Variants in LRMDA observed in about 807,000 individuals in gnomAD.
LRMDA encodes leucine-rich melanocyte differentiation-associated protein.
A neutral mutation model predicts 29.8 loss-of-function variants in LRMDA; 18 were observed. That is an observed-to-expected ratio of 0.60 (90% confidence interval 0.42 to 0.90). The LOEUF is 0.90. LRMDA is among the 40% of genes least tolerant of loss of function. LRMDA has a pLI of 0.00. For missense variants in LRMDA, 273 were observed against 273.9 expected, an observed-to-expected ratio of 1.00 and a Z score of 0.02; for synonymous variants, 125 against 109.4, an observed-to-expected ratio of 1.14 and a Z score of -0.89.
At chr10:76,081,888 T>G (rs1480263165) in intron 5 of LRMDA, among the ~76,000 whole-genome samples, 1 of 152,236 alleles carries the variant, frequency 6.6e-6, no homozygotes, top group Admixed American at 6.5e-5. Flanking sequence ...TACTTTGTTG[T>G]ATAGATTTCT....
At chr10:75,784,320 G>A (rs1453968149) in intron 2 of LRMDA, among the ~76,000 whole-genome samples, 6 of 152,288 alleles carry the variant, frequency 3.9e-5, no homozygotes, top group South Asian at 2.1e-4. Context: ...GATTGAATTA[G>A]TATATACAAA....
At chr10:76,230,554 CA>C (rs36026287) in intron 5 of LRMDA, among the ~76,000 whole-genome samples, 1,849 of 114,958 alleles carry the variant, frequency 0.016, 21 homozygotes, top group African/African-American at 0.043. Flanking sequence ...GTTAAGAGGG[CA>C]AAAAAAAAAA....
chr10:76,196,012 G>C lies in LRMDA; in HGVS notation c.517-128389G>C, dbSNP rs866601883. 9.2e-5 allele frequency among the ~76,000 whole-genome samples: 14 copies of C among 152,318 alleles called. No individual in the cohort carries two copies. The Middle Eastern group carries it at 0.014, about 148-fold the overall frequency. ...TTGGGTTTAGATCCTTCATTTGCAT[G>C]AAAACGATAGTTAATTGTGTCCCTG... On this transcript the variant is annotated intron_variant, in intron 5 of 6. Coordinates refer to ENST00000611255, the MANE Select transcript of LRMDA (RefSeq NM_001305581.2).
At chr10:76,017,253 G>A (rs1847894132) in intron 2 of LRMDA, among the ~76,000 whole-genome samples, 1 of 152,198 alleles carries the variant, frequency 6.6e-6, no homozygotes, top group Non-Finnish European at 1.5e-5. Context: ...GAAGCCACAC[G>A]AAGGCTGGAG....
intron 5 of LRMDA, among the ~76,000 whole-genome samples, chr10:76,062,702 A>G (rs1439526720): frequency 8.8e-6 from 1 of 113,700 alleles, no homozygotes; most frequent in East Asian, 2.0e-4. Flanking sequence ...GTGTGTTATT[A>G]GTTGATGGAC....
In LRMDA at chr10:75,508,316, G is replaced by A. The variant is rs1431179057; in HGVS notation, c.131+69822G>A. On this transcript the variant is annotated intron_variant, in intron 2 of 6. Coordinates refer to ENST00000611255, the MANE Select transcript of LRMDA (RefSeq NM_001305581.2). The stretch of plus-strand genomic sequence containing the variant: ...GCAATCATTCTGTTGCACAGAGTAC[G>A]TGATAAATCAACCACAGGAGAGTCA... Among the ~76,000 whole-genome samples the A allele has an allele frequency of 4.6e-5, 7 of 152,162 alleles. 1 individual carries two copies. The South Asian group carries it at 1.0e-3, about 23-fold the overall frequency.
chr10:75,501,292 G>A (rs1458886678), intron 2 of LRMDA, among the ~76,000 whole-genome samples: 1 of 152,184 alleles, frequency 6.6e-6, no homozygotes, highest in Non-Finnish European at 1.5e-5. Flanking sequence ...CAAGGGAGTA[G>A]ATGACAACTT....
intron 2 of LRMDA, among the ~76,000 whole-genome samples, chr10:75,946,418 A>G (rs550407024): frequency 3.5e-4 from 54 of 152,358 alleles, no homozygotes; most frequent in African/African-American, 1.3e-3. Flanking sequence ...CTGACTGCAC[A>G]TGGGCCTTGG....
intron 6 of LRMDA, among the ~76,000 whole-genome samples, chr10:76,406,720 T>C (rs1490694163): frequency 6.6e-6 from 1 of 152,144 alleles, no homozygotes; most frequent in East Asian, 1.9e-4. Context: ...ACCCTGAGTA[T>C]GTCCCTTCTG....
intron 5 of LRMDA, among the ~76,000 whole-genome samples, chr10:76,232,251 TTTTA>T (rs1402969349): frequency 6.6e-6 from 1 of 152,204 alleles, no homozygotes; most frequent in Non-Finnish European, 1.5e-5. Context: ...GTTGTGCTAT[TTTTA>T]TTTATATTTC....
At chr10:75,933,831 G>T (rs911544446) in intron 2 of LRMDA, among the ~76,000 whole-genome samples, 2 of 152,150 alleles carry the variant, frequency 1.3e-5, no homozygotes, top group African/African-American at 4.8e-5. Context: ...GCTTTGTTCA[G>T]AGATGCATTT....
chr10:76,177,525 C>T lies in LRMDA; in HGVS notation c.516+118742C>T, dbSNP rs76373234. Among the ~76,000 whole-genome samples, 805 of 152,238 alleles carry T rather than the reference C, an allele frequency of 5.3e-3. 9 individuals carry two copies. The highest frequency in any genetic ancestry group is 0.018 in the African/African-American group (737 of 41,536). ...AAGCTAGCAAAGTTTTGTCAAATGCCTTTCAGGGTTCTTGCTTTAATGGGA... is the reference window on the plus strand; with the variant it reads ...AAGCTAGCAAAGTTTTGTCAAATGCTTTTCAGGGTTCTTGCTTTAATGGGA... On this transcript the variant is annotated intron_variant, in intron 5 of 6. Transcript: ENST00000611255.
intron 2 of LRMDA, among the ~76,000 whole-genome samples, chr10:75,838,537 C>A (rs969985769): frequency 6.6e-6 from 1 of 152,120 alleles, no homozygotes; most frequent in African/African-American, 2.4e-5. Flanking sequence ...GTGGGTCATC[C>A]AGACTGTGAG....
chr10:76,544,284 T>C (rs935233823), intron 6 of LRMDA, among the ~76,000 whole-genome samples: 14 of 152,036 alleles, frequency 9.2e-5, no homozygotes, highest in African/African-American at 3.4e-4. Context: ...GGCAATTTTT[T>C]CCCCCCAATA....
chr10:76,072,149 A>T (rs180841164), intron 5 of LRMDA, among the ~76,000 whole-genome samples: 151 of 152,346 alleles, frequency 9.9e-4, no homozygotes, highest in African/African-American at 3.5e-3. Context: ...CCCTGCAAGC[A>T]ACTGGGACCA....
intron 1 of LRMDA, 113 bp downstream of exon 1, chr10:75,431,867 G>A: frequency 3.8e-6 from 4 of 1,066,378 alleles, no homozygotes; most frequent in Non-Finnish European, 4.8e-6. Context: ...TCAGGGGGCT[G>A]CGTCTGCAGG....
chr10:76,419,613 G>C (rs1842052956), intron 6 of LRMDA, among the ~76,000 whole-genome samples: 1 of 152,044 alleles, frequency 6.6e-6, no homozygotes, highest in African/African-American at 2.4e-5. Context: ...GGTATGGAAA[G>C]AGTATCTCTT....
intron 6 of LRMDA, among the ~76,000 whole-genome samples, chr10:76,363,174 AAAGGAGGG>A (rs1371284525): frequency 5.5e-5 from 1 of 18,340 alleles, no homozygotes. Flanking sequence ...AGAAAGAAAG[AAAGGAGGG>A]AGGGAGGGAG....
intron 5 of LRMDA, among the ~76,000 whole-genome samples, chr10:76,214,313 G>A (rs1431506345): frequency 6.7e-6 from 1 of 148,156 alleles, no homozygotes; most frequent in East Asian, 2.0e-4. Context: ...TTTACTGTAA[G>A]ATGTCACTTG....
Sources: allele counts gnomAD v4.1 joint callset (sites outside exome capture counted in the v4.1 genomes callset), GRCh38; gene constraint gnomAD v4.1.1; transcripts MANE v1.5; gene names NCBI Gene and HGNC (gene_info 2026-07-23, HGNC 2026-07-21).